Variants in FKBP5 observed in about 807,000 individuals in gnomAD.
FKBP5 encodes the protein peptidyl-prolyl cis-trans isomerase FKBP5.
In FKBP5, 23 loss-of-function variants were observed where a neutral mutation model predicts 50.5. The observed-to-expected ratio is 0.46, with a 90% confidence interval of 0.33 to 0.65. The LOEUF (loss-of-function observed/expected upper bound fraction) is 0.65, where lower values mean the gene tolerates loss of function less well. Among genes scored for constraint, FKBP5 ranks in the 30% least tolerant of loss-of-function variants. The pLI is 0.02. For missense variants in FKBP5, 411 were observed against 553.1 expected (o/e 0.74, Z 2.58); for synonymous variants, 176 against 190.6 (o/e 0.92, Z 0.63).
At chr6:35,590,487 G>A (rs1345419340) in intron 7 of FKBP5, among the ~76,000 whole-genome samples, 1 of 152,164 alleles carries the variant, frequency 6.6e-6, no homozygotes, top group Non-Finnish European at 1.5e-5. Context: ...CTGCTGCTGG[G>A]AGCCTCCAGA....
Position 35,581,244 on chromosome 6 carries a change from T to C in FKBP5, c.841-1023A>G, listed in dbSNP as rs1376032784. The C allele has an allele frequency of 1.4e-5, 9 of 655,926 alleles. No individual in the cohort carries two copies. In the Admixed American group the frequency reaches 5.9e-4, roughly 43 times the overall value. The allele number at this position is 655,926 out of a possible 1,614,324, so 40.6% of individuals were successfully genotyped here. A position where few individuals can be genotyped will look rare whatever the true frequency, so the allele number is the denominator to read the frequency against. On this transcript the variant is annotated intron_variant, in intron 8 of 10. Coordinates refer to ENST00000357266, the MANE Select transcript of FKBP5 (RefSeq NM_004117.4). ...ATACATCAGAAAGGTCTGTCAGTTA[T>C]ATATAATATATATAAATATAAACAT... is the stretch of plus-strand genomic sequence containing the variant.
intron 5 of FKBP5, 141 bp from the exon 6 acceptor site, chr6:35,597,545 T>TC: frequency 9.1e-6 from 9 of 987,296 alleles, no homozygotes; most frequent in Non-Finnish European, 1.3e-5. Flanking sequence ...ACAGTGTGTC[T>TC]TGGTGAAGCT....
intron 9 of FKBP5, among the ~76,000 whole-genome samples, chr6:35,578,992 T>A (rs1762328123): frequency 6.6e-6 from 1 of 152,012 alleles, no homozygotes; most frequent in South Asian, 2.1e-4. Context: ...GGCATGCACT[T>A]GTAGTCCCAG....
At chr6:35,590,608 T>C (rs1382465253) in intron 7 of FKBP5, among the ~76,000 whole-genome samples, 3 of 152,008 alleles carry the variant, frequency 2.0e-5, no homozygotes, top group African/African-American at 7.2e-5. Context: ...AAAAATGGCT[T>C]CGGGTTAGCT....
intron 7 of FKBP5, among the ~76,000 whole-genome samples, chr6:35,589,106 A>ATAT (rs1384223219): frequency 1.1e-3 from 122 of 112,320 alleles, no homozygotes; most frequent in African/African-American, 4.3e-3. Context: ...ATATATATAT[A>ATAT]TTTTTATATA....
intron 1 of FKBP5, among the ~76,000 whole-genome samples, chr6:35,724,602 G>A (rs1229093296): frequency 1.3e-5 from 2 of 151,936 alleles, no homozygotes; most frequent in Admixed American, 1.3e-4. Flanking sequence ...CTTTGGCCAG[G>A]TGTGATGGTT....
chr6:35,610,701 T>C (rs1053147610), intron 5 of FKBP5, among the ~76,000 whole-genome samples: 1 of 152,040 alleles, frequency 6.6e-6, no homozygotes, highest in African/African-American at 2.4e-5. Context: ...TATTTTTCTA[T>C]TTTATTTTAG....
Position 35,588,031 on chromosome 6 carries a change from TA to T in FKBP5, c.757-915del, listed in dbSNP as rs201935480. 7.9e-3 allele frequency among the ~76,000 whole-genome samples: 1,167 copies of T among 148,084 alleles called. 15 individuals are homozygous for T. Among genetic ancestry groups the T allele is most frequent in the African/African-American group, 0.024 (945 of 39,820 alleles). ...CTACTTTTATTATTATTATTATTAT[TA>T]TTTTTTTTTTGAGACGGAGTTTCGC... On this transcript the variant is annotated intron_variant, in intron 7 of 10. Coordinates refer to ENST00000357266, the MANE Select transcript of FKBP5 (RefSeq NM_004117.4).
Position 35,617,320 on chromosome 6 carries a change from A to C in FKBP5, c.508+1776T>G, listed in dbSNP as rs544715082. ...TGTTTTCTGTTTAAATGAACTCTTT[A>C]CTTTTTTTTTTTAAGGAGACAAGGT... On this transcript the variant is annotated intron_variant, in intron 5 of 10. Transcript: ENST00000357266. 6.6e-5 allele frequency among the ~76,000 whole-genome samples: 10 copies of C among 151,738 alleles called. No individual in the cohort carries two copies. In the South Asian group the frequency reaches 1.5e-3, roughly 22 times the overall value.
At chr6:35,592,969 C>T (rs1235784024) in intron 6 of FKBP5, among the ~76,000 whole-genome samples, 2 of 152,106 alleles carry the variant, frequency 1.3e-5, no homozygotes, top group Admixed American at 6.6e-5. Flanking sequence ...CACCAAGTGT[C>T]CTATTATTGA....
At chr6:35,600,422 A>T (rs1019813148) in intron 5 of FKBP5, among the ~76,000 whole-genome samples, 1 of 152,168 alleles carries the variant, frequency 6.6e-6, no homozygotes, top group African/African-American at 2.4e-5. Flanking sequence ...TCTCAAAAAA[A>T]AAAAGATATT....
chr6:35,589,110 T>TTATATATATATATATATTTTTATA (rs1762721616), intron 7 of FKBP5, among the ~76,000 whole-genome samples: 1 of 103,006 alleles, frequency 9.7e-6, no homozygotes, highest in African/African-American at 4.2e-5. Context: ...ATATATATTT[T>TTATATATATATATATATTTTTATA]TATATATATA....
intron 7 of FKBP5, among the ~76,000 whole-genome samples, chr6:35,589,114 ATATATATATATATATT>A (rs1762723391): frequency 1.6e-5 from 2 of 123,374 alleles, no homozygotes; most frequent in Admixed American, 1.8e-4. Context: ...ATATTTTTAT[ATATATATATATATATT>A]TTTTTTTTTT....
chr6:35,619,995 G>T, intron 4 of FKBP5, 137 bp downstream of exon 4: 1 of 1,073,262 alleles, frequency 9.3e-7, no homozygotes, highest in South Asian at 1.5e-5. Context: ...AACAATTCAA[G>T]AAGCCATGCT....
chr6:35,588,528 T>A (rs542407398), intron 7 of FKBP5, among the ~76,000 whole-genome samples: 1 of 152,166 alleles, frequency 6.6e-6, no homozygotes, highest in East Asian at 1.9e-4. Context: ...TTATGGAATT[T>A]TTTTTTATTT....
At chr6:35,704,281 C>T (rs1182032758) in intron 2 of FKBP5, among the ~76,000 whole-genome samples, 1 of 152,160 alleles carries the variant, frequency 6.6e-6, no homozygotes, top group Admixed American at 6.5e-5. Context: ...TAATTGAGAG[C>T]CCAGAGAAGT....
intron 1 of FKBP5, chr6:35,651,847 T>C: frequency 1.1e-6 from 1 of 882,232 alleles, no homozygotes; most frequent in African/African-American, 1.8e-5. Context: ...GTTTAACTTG[T>C]GGACAAAGAC....
chr6:35,690,956 A>C (rs1001616025), upstream of FKBP5, among the ~76,000 whole-genome samples: 8 of 152,132 alleles, frequency 5.3e-5, no homozygotes, highest in Non-Finnish European at 1.5e-5. Context: ...CAGTGAGCCG[A>C]GATGGCACCA....
chr6:35,612,800 C>T (rs543298293), intron 5 of FKBP5, among the ~76,000 whole-genome samples: 1 of 152,210 alleles, frequency 6.6e-6, no homozygotes, highest in East Asian at 1.9e-4. Context: ...GAAAATGCCC[C>T]CCCGATTCAG....
Sources: allele counts gnomAD v4.1 joint callset (sites outside exome capture counted in the v4.1 genomes callset), GRCh38; gene constraint gnomAD v4.1.1; transcripts MANE v1.5; gene names NCBI Gene and HGNC (gene_info 2026-07-23, HGNC 2026-07-21).